Variants in ZNF438 observed in about 807,000 individuals in gnomAD.
ZNF438 encodes zinc finger protein 438.
Under a neutral mutation model 38.0 loss-of-function variants are expected in ZNF438, and 25 were observed. That is an observed-to-expected ratio of 0.66 (90% CI 0.48 to 0.92). The LOEUF (loss-of-function observed/expected upper bound fraction) is 0.92, where lower values mean the gene tolerates loss of function less well. ZNF438 is among the 40% of genes least tolerant of loss of function. ZNF438 has a pLI of 0.00. For missense variants in ZNF438, 1,007 were observed against 999.6 expected, an observed-to-expected ratio of 1.01 and a Z score of -0.10; for synonymous variants, 372 against 364.1, an observed-to-expected ratio of 1.02 and a Z score of -0.25.
intron 1 of ZNF438, among the ~76,000 whole-genome samples, chr10:30,996,912 A>G (rs996620792): frequency 2.0e-5 from 3 of 152,204 alleles, no homozygotes; most frequent in African/African-American, 7.2e-5. Context: ...GGAAATTCAC[A>G]AAGATGGGAG....
intron 2 of ZNF438, among the ~76,000 whole-genome samples, chr10:30,936,725 C>T (rs79606848): frequency 0.079 from 12,088 of 152,116 alleles, 575 homozygotes; most frequent in Non-Finnish European, 0.11. Flanking sequence ...CAACAATAAA[C>T]GTATTGTCAT....
chr10:30,962,600 C>A (rs2049616711), intron 1 of ZNF438, among the ~76,000 whole-genome samples: 1 of 147,368 alleles, frequency 6.8e-6, no homozygotes, highest in South Asian at 2.2e-4. Context: ...TCCCACTTTT[C>A]CTAAAATTAG....
chr10:30,918,242 C>T (rs977923486), intron 2 of ZNF438, among the ~76,000 whole-genome samples: 1 of 152,040 alleles, frequency 6.6e-6, no homozygotes, highest in African/African-American at 2.4e-5. Context: ...TTTTAAGATT[C>T]GTCAGATTTT....
intron 4 of ZNF438, among the ~76,000 whole-genome samples, chr10:30,854,431 GA>G (rs1460832259): frequency 6.6e-6 from 1 of 152,164 alleles, no homozygotes; most frequent in African/African-American, 2.4e-5. Context: ...ACGTGACAGA[GA>G]TTTACTAAAT....
At chr10:31,008,452 C>T (rs1282306014) in intron 1 of ZNF438, among the ~76,000 whole-genome samples, 1 of 152,206 alleles carries the variant, frequency 6.6e-6, no homozygotes, top group African/African-American at 2.4e-5. Context: ...TCTCCCTCCT[C>T]TAACCCTCTC....
At chr10:30,893,834 T>G (rs1010540399) in intron 3 of ZNF438, among the ~76,000 whole-genome samples, 6 of 152,182 alleles carry the variant, frequency 3.9e-5, no homozygotes, top group South Asian at 2.1e-4. Context: ...TTATCATACC[T>G]TCAGAACGCA....
chr10:30,880,478 G>C lies in ZNF438; in HGVS notation c.-31-3413C>G, dbSNP rs1212563880. On this transcript the variant is annotated intron_variant, in intron 3 of 5. Coordinates refer to ENST00000413025, the Ensembl canonical transcript of ZNF438. ...AGAAAAAAACAAAAACAAAAATAAT[G>C]CAAGTCTGAAGACAATAAACAATAA... Among the ~76,000 whole-genome samples the C allele has an allele frequency of 4.0e-5, 6 of 149,770 alleles. No homozygotes were observed. The South Asian group carries it at 8.5e-4, about 21-fold the overall frequency.
intron 1 of ZNF438, among the ~76,000 whole-genome samples, chr10:31,003,448 C>T (rs932457896): frequency 6.6e-6 from 1 of 152,084 alleles, no homozygotes; most frequent in African/African-American, 2.4e-5. Flanking sequence ...AAGTAACATC[C>T]CAGGAAGTTC....
intron 1 of ZNF438, among the ~76,000 whole-genome samples, chr10:30,965,220 T>A (rs1159757472): frequency 1.3e-5 from 2 of 151,908 alleles, no homozygotes; most frequent in Non-Finnish European, 2.9e-5. Context: ...GAAATGCAAA[T>A]CAAAACCAAA....
intron 4 of ZNF438, among the ~76,000 whole-genome samples, chr10:30,861,074 C>A (rs79257417): frequency 1.1e-4 from 17 of 152,248 alleles, no homozygotes; most frequent in Non-Finnish European, 2.1e-4. Context: ...TATATAAATA[C>A]AGTTGTCCCT....
At chr10:30,877,008 T>G in exon 4 of ZNF438, 1 of 1,606,342 alleles carries the variant, frequency 6.2e-7, no homozygotes. Context: ...CTTCATCTTT[T>G]GGTGGTACTG....
At chr10:30,914,817 C>T (rs1053261076) in intron 2 of ZNF438, among the ~76,000 whole-genome samples, 1 of 150,846 alleles carries the variant, frequency 6.6e-6, no homozygotes, top group Non-Finnish European at 1.5e-5. Flanking sequence ...TTGTAATGAA[C>T]ACAATAAAAA....
chr10:30,873,171 G>A (rs899634871), intron 4 of ZNF438, among the ~76,000 whole-genome samples: 4 of 152,120 alleles, frequency 2.6e-5, no homozygotes, highest in Non-Finnish European at 5.9e-5. Flanking sequence ...ACAAAAAAAG[G>A]AGGTTATGGA....
At chr10:30,907,381 T>C (rs1370824938) in intron 3 of ZNF438, among the ~76,000 whole-genome samples, 1 of 152,222 alleles carries the variant, frequency 6.6e-6, no homozygotes, top group Non-Finnish European at 1.5e-5. Flanking sequence ...CCTCACAGAA[T>C]CAGTCAGGAA....
intron 3 of ZNF438, among the ~76,000 whole-genome samples, chr10:30,906,359 T>A (rs2042584144): frequency 1.3e-5 from 2 of 152,222 alleles, no homozygotes; most frequent in Admixed American, 1.3e-4. Flanking sequence ...CTCAGTTTTA[T>A]TTCTCAATTT....
chr10:30,937,936 A>G lies in ZNF438; in HGVS notation c.-115+3639T>C, dbSNP rs79691331. Among the ~76,000 whole-genome samples, 619 of 152,304 alleles carry G rather than the reference A, an allele frequency of 4.1e-3. 7 individuals carry two copies. Among genetic ancestry groups the G allele is most frequent in the African/African-American group, 0.014 (581 of 41,578 alleles). ...TCAGGAGGGCATTCATGGTTCTCCT[A>G]AATTTGGCCCATTCTTCTAATTCAA... On this transcript the variant is annotated intron_variant, in intron 2 of 5. Transcript: ENST00000413025.
intron 2 of ZNF438, among the ~76,000 whole-genome samples, chr10:30,939,635 A>G (rs896188077): frequency 9.4e-5 from 14 of 148,692 alleles, no homozygotes; most frequent in Admixed American, 8.7e-4. Context: ...AGTATCAGCA[A>G]CCTACAGGTA....
intron 1 of ZNF438, among the ~76,000 whole-genome samples, chr10:30,997,401 C>T (rs74930451): frequency 0.026 from 4,017 of 151,886 alleles, 81 homozygotes; most frequent in Non-Finnish European, 0.04. Context: ...TTCAATAAGC[C>T]TGAAGAAAAA....
intron 4 of ZNF438, among the ~76,000 whole-genome samples, chr10:30,871,657 C>T (rs1386788137): frequency 1.3e-5 from 2 of 152,178 alleles, no homozygotes; most frequent in African/African-American, 4.8e-5. Context: ...TGTAAGTATA[C>T]ACTTTTATGT....
Sources: gnomAD v4.1 joint callset for allele counts (sites outside exome capture counted in the v4.1 genomes callset) on GRCh38, gnomAD v4.1.1 for gene constraint, MANE v1.5 for transcripts, NCBI Gene and HGNC (gene_info 2026-07-23, HGNC 2026-07-21) for gene names.